The following MAGI2 variants were observed in gnomAD, a reference collection of about 807,000 sequenced individuals.
MAGI2 encodes the protein membrane-associated guanylate kinase, WW and PDZ domain-containing protein 2.
MAGI2 carries 35 observed loss-of-function variants against 133.3 expected under a neutral mutation model. The ratio of observed to expected loss-of-function variants is 0.26; its 90% CI spans 0.20 to 0.35. The LOEUF (loss-of-function observed/expected upper bound fraction) is 0.35. Ranked by LOEUF, MAGI2 falls within the 10% of genes least tolerant of loss-of-function variation. The pLI, the probability that MAGI2 is intolerant of heterozygous loss-of-function variation, is 1.00. For missense variants in MAGI2, 1,636 were observed against 1,863.4 expected (o/e 0.88, Z 2.25); for synonymous variants, 729 against 710.6 (o/e 1.03, Z -0.41).
At position 78,135,003 on chromosome 7, in the gene MAGI2, G is replaced by C. The variant is rs772439094; in HGVS notation, c.3031+18C>G. ...CATGTGTTGGCCGCCTCTCTGCAAGGCTGCCTCAGGCACTCACCCTCCTGA... is the reference window on the plus strand; with the variant it reads ...CATGTGTTGGCCGCCTCTCTGCAAGCCTGCCTCAGGCACTCACCCTCCTGA... On this transcript the variant is annotated intron_variant, in intron 17 of 21. Coordinates refer to ENST00000354212, the MANE Select transcript of MAGI2 (RefSeq NM_012301.4). 1 of 1,609,196 alleles carries C rather than the reference G, an allele frequency of 6.2e-7. No individual in the cohort carries two copies. The highest frequency in any genetic ancestry group is 8.5e-7 in the Non-Finnish European group (1 of 1,176,710).
rs533392990 is a variant in MAGI2 at position 78,996,766 on chromosome 7, G to A, written c.418+10324C>T. The stretch of plus-strand genomic sequence containing the variant: ...ATTCCCTGTAGTTGCCAATTCTGCA[G>A]GTACTAGTCCTCTGGAAATAAGTAT... On this transcript the variant is annotated intron_variant, in intron 2 of 21. Transcript: ENST00000354212. 1.3e-4 allele frequency among the ~76,000 whole-genome samples: 20 copies of A among 152,296 alleles called. 1 individual carries two copies. The highest frequency in any genetic ancestry group is 4.8e-4 in the African/African-American group (20 of 41,566).
intron 1 of MAGI2, among the ~76,000 whole-genome samples, chr7:79,248,164 A>G (rs1335096360): frequency 1.3e-5 from 2 of 152,164 alleles, no homozygotes; most frequent in East Asian, 3.9e-4. Context: ...AAATAAGGAG[A>G]TGGAAAAAGA....
intron 2 of MAGI2, among the ~76,000 whole-genome samples, chr7:78,839,892 G>A (rs572057617): frequency 5.5e-4 from 83 of 152,174 alleles, no homozygotes; most frequent in Non-Finnish European, 1.0e-3. Context: ...AAACTCTGTA[G>A]TGCTCTAGTT....
intron 9 of MAGI2, among the ~76,000 whole-genome samples, chr7:78,330,737 C>T (rs1789100753): frequency 6.6e-6 from 1 of 151,234 alleles, no homozygotes; most frequent in Non-Finnish European, 1.5e-5. Context: ...ACGATCAAGT[C>T]AGACACAGGT....
chr7:78,360,123 G>T (rs1427623161), intron 7 of MAGI2, among the ~76,000 whole-genome samples: 1 of 152,140 alleles, frequency 6.6e-6, no homozygotes, highest in African/African-American at 2.4e-5. Context: ...TCAATTATAG[G>T]ATGCCCAAAG....
At chr7:78,987,569 G>A (rs1057056146) in intron 2 of MAGI2, among the ~76,000 whole-genome samples, 1 of 151,944 alleles carries the variant, frequency 6.6e-6, no homozygotes, top group Non-Finnish European at 1.5e-5. Context: ...TGATGAAAGC[G>A]ATCAAGTTCA....
rs114215374 is a variant in MAGI2, at chr7:79,179,499, G to A, written c.302-172293C>T. ...CTTGAACAAAAAGAATAAAGTTGGAGGTATAATATAACTTGAATTCAAAAT... is the reference window on the plus strand; with the variant it reads ...CTTGAACAAAAAGAATAAAGTTGGAAGTATAATATAACTTGAATTCAAAAT... On this transcript the variant is annotated intron_variant, in intron 1 of 21. Coordinates refer to ENST00000354212, the MANE Select transcript of MAGI2 (RefSeq NM_012301.4). Among the ~76,000 whole-genome samples the A allele has an allele frequency of 8.5e-3, 1,294 of 151,898 alleles. 29 individuals carry two copies. The highest frequency in any genetic ancestry group is 0.03 in the African/African-American group (1,239 of 41,354).
intron 1 of MAGI2, among the ~76,000 whole-genome samples, chr7:79,221,910 G>A (rs1004752979): frequency 1.3e-5 from 2 of 151,966 alleles, no homozygotes; most frequent in South Asian, 2.1e-4. Context: ...TCCACAGCAA[G>A]CACATTTTCT....
chr7:78,467,390 T>C (rs911771001), intron 6 of MAGI2, among the ~76,000 whole-genome samples: 11 of 152,048 alleles, frequency 7.2e-5, no homozygotes, highest in African/African-American at 2.4e-4. Flanking sequence ...TCAGAACTAA[T>C]TGGCTAATTG....
At position 78,798,604 on chromosome 7, in the gene MAGI2, G is replaced by C. The variant is rs563682535; in HGVS notation, c.419-171365C>G. 4.6e-5 allele frequency among the ~76,000 whole-genome samples: 7 copies of C among 151,962 alleles called. No individual in the cohort carries two copies. The South Asian group carries it at 8.3e-4, about 18-fold the overall frequency. On this transcript the variant is annotated intron_variant, in intron 2 of 21. Transcript: ENST00000354212. ...TCTTTGAGATTGGTCTTTGGGAACC[G>C]GGCTTCAATCTTTAGGCTTCAGGAT...
rs10485916 is a variant in MAGI2, at chr7:78,722,959, C to T, written c.419-95720G>A. On this transcript the variant is annotated intron_variant, in intron 2 of 21. Transcript: ENST00000354212. The stretch of plus-strand genomic sequence containing the variant: ...TTATAGTTGGCTTATCTAGTTGATG[C>T]GATTCATATTAAAGGAAAAGGAAGA... 9.6e-3 allele frequency among the ~76,000 whole-genome samples: 1,459 copies of T among 151,616 alleles called. 26 individuals carry two copies. Among genetic ancestry groups the T allele is most frequent in the African/African-American group, 0.034 (1,386 of 41,308 alleles).
rs10558658 is a variant in MAGI2 at position 78,614,108 on chromosome 7, T to TA, written c.538+13011dup. ...CTGGGTGACAGAGTGAGACTTCATC[T>TA]AAAAAAAAAAAAAAATTAGTATATA... On this transcript the variant is annotated intron_variant, in intron 3 of 21. Transcript: ENST00000354212. Among the ~76,000 whole-genome samples the TA allele has an allele frequency of 2.4e-4, 35 of 147,456 alleles. 1 individual carries two copies. The highest frequency in any genetic ancestry group is 1.0e-3 in the East Asian group (5 of 4,954).
At chr7:78,982,263 A>G (rs1804860713) in intron 2 of MAGI2, among the ~76,000 whole-genome samples, 1 of 151,956 alleles carries the variant, frequency 6.6e-6, no homozygotes, top group Non-Finnish European at 1.5e-5. Context: ...AATTGTCATT[A>G]AAAGGATTTC....
At chr7:79,380,989 C>T (rs905611996) in intron 1 of MAGI2, among the ~76,000 whole-genome samples, 2 of 151,756 alleles carry the variant, frequency 1.3e-5, no homozygotes, top group Non-Finnish European at 2.9e-5. Context: ...AAAACTGATA[C>T]TTTAGACTGT....
chr7:78,527,006 CAAAAAA>C (rs55707442), intron 3 of MAGI2, among the ~76,000 whole-genome samples: 69 of 45,412 alleles, frequency 1.5e-3, no homozygotes, highest in South Asian at 0.013. Flanking sequence ...GACTCCATCT[CAAAAAA>C]AAAAAAAAAA....
intron 9 of MAGI2, among the ~76,000 whole-genome samples, chr7:78,339,822 G>T (rs535576238): frequency 6.6e-6 from 1 of 152,148 alleles, no homozygotes; most frequent in Non-Finnish European, 1.5e-5. Context: ...TAACAGTAGC[G>T]TTTGGAAACG....
intron 2 of MAGI2, among the ~76,000 whole-genome samples, chr7:78,897,869 C>G (rs1489641278): frequency 6.6e-6 from 1 of 152,160 alleles, no homozygotes; most frequent in Non-Finnish European, 1.5e-5. Context: ...TCTAATTAAA[C>G]TTAAGGCTTC....
At chr7:78,499,075 A>C (rs987938064) in intron 5 of MAGI2, among the ~76,000 whole-genome samples, 2 of 151,950 alleles carry the variant, frequency 1.3e-5, no homozygotes, top group Admixed American at 6.6e-5. Flanking sequence ...AACAACAACA[A>C]CAACAACAAC....
chr7:78,129,908 C>T (rs1821381917), intron 18 of MAGI2, among the ~76,000 whole-genome samples: 1 of 129,804 alleles, frequency 7.7e-6, no homozygotes, highest in Admixed American at 9.6e-5. Context: ...GCACTCCAGC[C>T]TGGGCAACAA....
Sources: gnomAD v4.1 joint callset for allele counts (sites outside exome capture counted in the v4.1 genomes callset) on GRCh38, gnomAD v4.1.1 for gene constraint, MANE v1.5 for transcripts, NCBI Gene and HGNC (gene_info 2026-07-23, HGNC 2026-07-21) for gene names.